Variants in GRHL3 observed in about 807,000 individuals in gnomAD.
GRHL3 encodes the protein grainyhead like transcription factor 3.
In GRHL3, 20 loss-of-function variants were observed where a neutral mutation model predicts 70.3. The observed-to-expected ratio is 0.28, with a 90% CI of 0.20 to 0.41. GRHL3 has a LOEUF of 0.41. GRHL3 is among the 10% of genes least tolerant of loss of function. The pLI, the probability that GRHL3 is intolerant of heterozygous loss-of-function variation, is 1.00. For synonymous variants in GRHL3, 299 were observed against 299.9 expected, an observed-to-expected ratio of 1.00 and a Z score of 0.03; for missense variants, 637 against 762.3, an observed-to-expected ratio of 0.84 and a Z score of 1.94.
chr1:24,350,259 T>C, intron 15 of GRHL3, 137 bp downstream of exon 15: 1 of 632,554 alleles, frequency 1.6e-6, no homozygotes, highest in South Asian at 2.1e-5. Flanking sequence ...ACTGGTCACC[T>C]CTCCATCTGC....
chr1:24,322,983 C>A lies in GRHL3; in HGVS notation c.17+3415C>A. On this transcript the variant is annotated intron_variant, in intron 1 of 15. Transcript: ENST00000361548. This position sits in a 1 kb window ranked among gnomAD's most constrained non-coding sequence, Gnocchi z 4.4. ...CACTGGGATCTTAACCGGGTCTTAG[C>A]CGAGCAGCCATAGGCCACCCCGCTT... is the stretch of plus-strand genomic sequence containing the variant. 1 of 1,078,172 alleles carries A rather than the reference C, an allele frequency of 9.3e-7. No homozygotes were observed. Among genetic ancestry groups the A allele is most frequent in the Non-Finnish European group, 1.4e-6 (1 of 725,238 alleles). 66.8% of individuals were successfully genotyped at this position (1,078,172 alleles called of 1,614,324 possible). A position where few individuals can be genotyped will look rare whatever the true frequency, so the allele number is the denominator to read the frequency against.
rs1209863061 is a variant in GRHL3, at chr1:24,342,132, C to T, written c.1065C>T (p.Asn355=). The change falls in exon 9 of 16, where the codon AAC becomes AAT. Residue 355 remains asparagine (N), a synonymous_variant. Coordinates refer to ENST00000361548, the MANE Select transcript of GRHL3 (RefSeq NM_198173.3). The surrounding 1 kb of genome is among the most constrained non-coding windows in gnomAD (Gnocchi z 4.8). ...NEEAKVFIGV[N]CLSTDFSSQK... ...GTCTCCAGGTGTTCATCGGCGTAAA[C>T]TGTCTGAGCACAGACTTTTCCTCAC... is the stretch of plus-strand genomic sequence containing the variant. The T allele has an allele frequency of 1.3e-6, 2 of 1,594,766 alleles. No individual in the cohort carries two copies. Among genetic ancestry groups the T allele is most frequent in the East Asian group, 2.2e-5 (1 of 44,686 alleles).
chr1:24,341,492 G>A (rs1018114863), intron 8 of GRHL3, among the ~76,000 whole-genome samples: 6 of 152,166 alleles, frequency 3.9e-5, no homozygotes, highest in African/African-American at 1.4e-4. Context: ...CTAGGGGAAC[G>A]GCAGCAATTA....
At position 24,334,754 on chromosome 1, in the gene GRHL3, C is replaced by G. The variant is rs1398361689; in HGVS notation, c.266+48C>G. ...GCCTCTTTGCCCTTCCCCACCTCCA[C>G]CTGGAGCCTCTTCCACACAGGTTTG... On this transcript the variant is annotated intron_variant, in intron 3 of 15. Coordinates refer to ENST00000361548, the MANE Select transcript of GRHL3 (RefSeq NM_198173.3). This position sits in a 1 kb window ranked among gnomAD's most constrained non-coding sequence, Gnocchi z 4.3. 5 of 1,483,638 alleles carry G rather than the reference C, an allele frequency of 3.4e-6. No homozygotes were observed. Among genetic ancestry groups the G allele is most frequent in the Non-Finnish European group, 4.7e-6 (5 of 1,070,328 alleles). The allele number at this position is 1,483,638 out of a possible 1,614,324, so 91.9% of individuals were successfully genotyped here. A position where few individuals can be genotyped will look rare whatever the true frequency, so the allele number is the denominator to read the frequency against.
intron 1 of GRHL3, among the ~76,000 whole-genome samples, chr1:24,326,277 T>A (rs2148647694): frequency 6.6e-6 from 1 of 152,164 alleles, no homozygotes; most frequent in South Asian, 2.1e-4. Flanking sequence ...ATGCCTTTGA[T>A]CTTGCCTTTC....
At chr1:24,345,370 G>A (rs1418139296) in intron 12 of GRHL3, among the ~76,000 whole-genome samples, 1 of 147,946 alleles carries the variant, frequency 6.8e-6, no homozygotes, top group African/African-American at 2.5e-5. Context: ...CCCCCAGCCT[G>A]CTTTTCTCCC....
At chr1:24,329,168 G>T (rs989271654) in intron 1 of GRHL3, among the ~76,000 whole-genome samples, 6 of 152,172 alleles carry the variant, frequency 3.9e-5, no homozygotes, top group Admixed American at 2.0e-4. Flanking sequence ...TCTTTCCTGC[G>T]TGACAGCTCC....
At chr1:24,362,568 C>T (rs1641192771) in intron 15 of GRHL3, among the ~76,000 whole-genome samples, 1 of 152,164 alleles carries the variant, frequency 6.6e-6, no homozygotes, top group Non-Finnish European at 1.5e-5. Flanking sequence ...ATGTAAAGCA[C>T]CTAGTAGAGC....
At chr1:24,341,123 C>A (rs1346073062) in intron 8 of GRHL3, among the ~76,000 whole-genome samples, 1 of 152,060 alleles carries the variant, frequency 6.6e-6, no homozygotes, top group Non-Finnish European at 1.5e-5. Flanking sequence ...CAGCCTGCGT[C>A]GGGGGGACCG....
At chr1:24,325,031 G>A (rs1047159534) in intron 1 of GRHL3, among the ~76,000 whole-genome samples, 1 of 152,032 alleles carries the variant, frequency 6.6e-6, no homozygotes, top group Non-Finnish European at 1.5e-5. Flanking sequence ...GTGTGGGGCT[G>A]ACTGGAAAAT....
At chr1:24,347,319 A>G in intron 13 of GRHL3, 149 bp from the exon 14 acceptor site, 1 of 677,920 alleles carries the variant, frequency 1.5e-6, no homozygotes, top group African/African-American at 1.8e-5. Context: ...GGTGCATGGG[A>G]ATCTGCAGAG....
intron 1 of GRHL3, among the ~76,000 whole-genome samples, chr1:24,320,584 CT>C (rs1485726345): frequency 6.6e-6 from 1 of 152,164 alleles, no homozygotes; most frequent in African/African-American, 2.4e-5. Flanking sequence ...ATTGTACCAT[CT>C]TTTTTCTAAC....
downstream of GRHL3, chr1:24,358,707 C>G (rs1640889834): frequency 2.0e-6 from 2 of 986,388 alleles, no homozygotes; most frequent in African/African-American, 3.2e-5. Flanking sequence ...CTGGAAAGGC[C>G]TGGGGACCCC....
At chr1:24,335,951 A>G (rs772157725) in intron 3 of GRHL3, among the ~76,000 whole-genome samples, 1 of 152,206 alleles carries the variant, frequency 6.6e-6, no homozygotes, top group Non-Finnish European at 1.5e-5. Flanking sequence ...CTCTTGCAAA[A>G]GATTCAAACT....
chr1:24,348,016 A>G (rs1640360406), intron 14 of GRHL3, among the ~76,000 whole-genome samples: 1 of 152,024 alleles, frequency 6.6e-6, no homozygotes, highest in African/African-American at 2.4e-5. Flanking sequence ...CCCCCACACC[A>G]CCAGAGAGTG....
intron 15 of GRHL3, chr1:24,360,769 A>C: frequency 7.7e-7 from 1 of 1,298,232 alleles, no homozygotes; most frequent in East Asian, 2.3e-5. Context: ...CAACCTATAA[A>C]TCAATGGCAT....
chr1:24,359,625 C>A (rs567281269), downstream of GRHL3, among the ~76,000 whole-genome samples: 29 of 152,268 alleles, frequency 1.9e-4, no homozygotes, highest in African/African-American at 5.8e-4. This position sits in a 1 kb window ranked among gnomAD's most constrained non-coding sequence, Gnocchi z 5.3. Context: ...CCTCTGGGGG[C>A]AAACCTGGGG....
At chr1:24,336,446 A>T in intron 3 of GRHL3, 36 bp from the exon 4 acceptor site, 1 of 1,414,750 alleles carries the variant, frequency 7.1e-7, no homozygotes, top group Non-Finnish European at 9.6e-7. Context: ...TTACCCCCAG[A>T]GAGAAGTACA....
intron 8 of GRHL3, among the ~76,000 whole-genome samples, chr1:24,341,870 G>A (rs772741924): frequency 3.3e-5 from 5 of 152,248 alleles, no homozygotes; most frequent in Non-Finnish European, 7.3e-5. Context: ...TGGGCTGTGA[G>A]TCTGGGTTCA....
Sources: gnomAD v4.1 joint callset for allele counts (sites outside exome capture counted in the v4.1 genomes callset) on GRCh38, gnomAD v4.1.1 for gene constraint, Gnocchi (gnomAD v3.1) non-coding constraint, MANE v1.5 for transcripts, NCBI Gene and HGNC (gene_info 2026-07-23, HGNC 2026-07-21) for gene names.